The following CACNA2D1 variants were observed in gnomAD, a reference collection of about 807,000 sequenced individuals.
CACNA2D1 encodes voltage-dependent calcium channel subunit alpha-2/delta-1.
In CACNA2D1, 53 loss-of-function variants were observed where a neutral mutation model predicts 171.5. That is an observed-to-expected ratio of 0.31 (90% CI 0.25 to 0.39). The LOEUF is 0.39. Among genes scored for constraint, CACNA2D1 ranks in the 10% least tolerant of loss-of-function variants. The pLI, the probability that CACNA2D1 is intolerant of heterozygous loss-of-function variation, is 1.00. For synonymous variants in CACNA2D1, 442 were observed against 443.1 expected (o/e 1.00, Z 0.03); for missense variants, 903 against 1,299.8 (o/e 0.69, Z 4.69).
chr7:82,204,093 G>A (rs1021473233), intron 3 of CACNA2D1, among the ~76,000 whole-genome samples: 1 of 152,204 alleles, frequency 6.6e-6, no homozygotes, highest in African/African-American at 2.4e-5. Flanking sequence ...CATTCCCTAT[G>A]GGGCATAGTA....
At chr7:82,340,992 T>C (rs1405727931) in intron 2 of CACNA2D1, among the ~76,000 whole-genome samples, 1 of 152,238 alleles carries the variant, frequency 6.6e-6, no homozygotes, top group Non-Finnish European at 1.5e-5. Context: ...TCACCTCTGC[T>C]GCTTCAGATA....
intron 6 of CACNA2D1, among the ~76,000 whole-genome samples, chr7:82,116,691 G>C (rs1443317296): frequency 6.6e-6 from 1 of 152,148 alleles, no homozygotes; most frequent in African/African-American, 2.4e-5. Context: ...GAATATTTTT[G>C]CATGTGTGTA....
At chr7:82,387,453 A>G (rs1027268596) in intron 1 of CACNA2D1, among the ~76,000 whole-genome samples, 2 of 152,232 alleles carry the variant, frequency 1.3e-5, no homozygotes, top group African/African-American at 4.8e-5. Context: ...ATACATGTTT[A>G]GCAATATTGT....
At chr7:82,042,838 C>T (rs1804123714) in intron 10 of CACNA2D1, among the ~76,000 whole-genome samples, 1 of 152,142 alleles carries the variant, frequency 6.6e-6, no homozygotes, top group Non-Finnish European at 1.5e-5. Flanking sequence ...GATTAAGTCA[C>T]CCAATACTAA....
intron 3 of CACNA2D1, among the ~76,000 whole-genome samples, chr7:82,281,927 A>C (rs960792510): frequency 8.5e-5 from 13 of 152,258 alleles, no homozygotes; most frequent in Non-Finnish European, 7.4e-5. Flanking sequence ...ATCTTTCATA[A>C]TATTGTAAAT....
At chr7:82,305,775 A>G (rs963001396) in intron 3 of CACNA2D1, among the ~76,000 whole-genome samples, 1 of 151,982 alleles carries the variant, frequency 6.6e-6, no homozygotes, top group Non-Finnish European at 1.5e-5. Flanking sequence ...GATTTTCATC[A>G]TATCTATAGA....
intron 3 of CACNA2D1, among the ~76,000 whole-genome samples, chr7:82,226,815 T>C (rs1802414296): frequency 6.6e-6 from 1 of 152,204 alleles, no homozygotes; most frequent in African/African-American, 2.4e-5. Flanking sequence ...TGTACTTTAT[T>C]ATCTACTAGA....
chr7:81,959,288 T>A lies in CACNA2D1; in HGVS notation c.3146A>T (p.Asp1049Val). The change falls in exon 38 of 39, where the codon GAT becomes GTT. Residue 1049 changes from aspartate to valine, a missense_variant. Coordinates refer to ENST00000356860, the MANE Select transcript of CACNA2D1 (RefSeq NM_000722.4). ...RYRKGPDVCFDNNVLEDYTDC... is the reference protein window; with the variant it reads ...RYRKGPDVCFVNNVLEDYTDC... ...GTGTGATCTTACCAAGACATTGTTA[T>A]CAAAGCAGACATCAGGCCCTTTTCG... 6.2e-7 allele frequency: 1 copy of A among 1,605,170 alleles called. No individual in the cohort carries two copies. The highest frequency in any genetic ancestry group is 8.5e-7 in the Non-Finnish European group (1 of 1,171,984).
chr7:82,283,345 C>T lies in CACNA2D1; in HGVS notation c.294+51790G>A, dbSNP rs546472747. Among the ~76,000 whole-genome samples the T allele has an allele frequency of 2.6e-5, 4 of 152,210 alleles. No individual in the cohort carries two copies. The South Asian group carries it at 8.3e-4, about 32-fold the overall frequency. On this transcript the variant is annotated intron_variant, in intron 3 of 38. Transcript: ENST00000356860. ...AACTCAATGCTTATTATATGCAAGG[C>T]TGGGCAGGTGAACAGTGAAAAGATA... is the stretch of plus-strand genomic sequence containing the variant.
chr7:82,049,107 G>A (rs1443465704), intron 10 of CACNA2D1, among the ~76,000 whole-genome samples: 7 of 129,758 alleles, frequency 5.4e-5, no homozygotes, highest in African/African-American at 2.1e-4. Flanking sequence ...AAGCAATTAA[G>A]TTATCTTCTG....
chr7:82,243,770 C>T (rs778531446), intron 3 of CACNA2D1, among the ~76,000 whole-genome samples: 8 of 152,094 alleles, frequency 5.3e-5, no homozygotes, highest in East Asian at 3.9e-4. Context: ...CTACATGTAG[C>T]GAATCCCAAA....
chr7:82,097,713 A>T lies in CACNA2D1; in HGVS notation c.527-12813T>A, dbSNP rs258664. Among the ~76,000 whole-genome samples, 11 of 152,090 alleles carry T rather than the reference A, an allele frequency of 7.2e-5. No individual in the cohort carries two copies. In the East Asian group the frequency reaches 1.4e-3, roughly 19 times the overall value. The stretch of plus-strand genomic sequence containing the variant: ...CTGCATCTTAGCCATGAAGTGTATA[A>T]GGAAGAATCAGATTTGGGAATCATG... On this transcript the variant is annotated intron_variant, in intron 6 of 38. Transcript: ENST00000356860.
intron 3 of CACNA2D1, among the ~76,000 whole-genome samples, chr7:82,192,816 C>CACAT (rs560698741): frequency 1.3e-3 from 201 of 151,020 alleles, no homozygotes; most frequent in African/African-American, 4.7e-3. Context: ...CACACACACA[C>CACAT]ACAAACACTA....
chr7:82,138,738 G>A (rs549555478), intron 4 of CACNA2D1, among the ~76,000 whole-genome samples: 4 of 152,024 alleles, frequency 2.6e-5, no homozygotes, highest in South Asian at 4.1e-4. Flanking sequence ...GAGCCACCGC[G>A]CCCGACCTTA....
intron 3 of CACNA2D1, among the ~76,000 whole-genome samples, chr7:82,233,343 A>C (rs1048159349): frequency 3.1e-4 from 47 of 152,170 alleles, no homozygotes; most frequent in African/African-American, 1.1e-3. Flanking sequence ...ACATACAGAA[A>C]AGTGTATAAA....
At chr7:81,988,678 T>C (rs879327185) in intron 21 of CACNA2D1, among the ~76,000 whole-genome samples, 3 of 152,126 alleles carry the variant, frequency 2.0e-5, no homozygotes, top group Non-Finnish European at 4.4e-5. Context: ...ACTATATGAA[T>C]TTGAAAGGAT....
At chr7:82,267,191 A>G (rs572517985) in intron 3 of CACNA2D1, among the ~76,000 whole-genome samples, 4 of 152,342 alleles carry the variant, frequency 2.6e-5, no homozygotes, top group African/African-American at 9.6e-5. Flanking sequence ...TTTATTTTTC[A>G]GTGAAAAATA....
intron 3 of CACNA2D1, among the ~76,000 whole-genome samples, chr7:82,319,144 A>G (rs1815494051): frequency 6.6e-6 from 1 of 152,210 alleles, no homozygotes; most frequent in Admixed American, 6.5e-5. Context: ...AGTCCTTAGT[A>G]CAGTGTCTAG....
rs902356174 is a variant in CACNA2D1, at chr7:82,172,047, G to A, written c.295-1438C>T. On this transcript the variant is annotated intron_variant, in intron 3 of 38. Transcript: ENST00000356860. ...GTTTTATCAGTGACTCTATAATATT[G>A]CCTAGTGGGAGATCTCAATTTAAGA... Among the ~76,000 whole-genome samples, 21 of 151,812 alleles carry A rather than the reference G, an allele frequency of 1.4e-4. No individual in the cohort carries two copies. In the East Asian group the frequency reaches 2.3e-3, roughly 17 times the overall value.
Sources: allele counts gnomAD v4.1 joint callset (sites outside exome capture counted in the v4.1 genomes callset), GRCh38; gene constraint gnomAD v4.1.1; transcripts MANE v1.5; gene names NCBI Gene and HGNC (gene_info 2026-07-23, HGNC 2026-07-21).